Variants in NCAM2 observed in about 807,000 individuals in gnomAD.
The protein encoded by NCAM2 is neural cell adhesion molecule 2.
In NCAM2, 30 loss-of-function variants were observed where a neutral mutation model predicts 98.1. The ratio of observed to expected loss-of-function variants is 0.31; its 90% CI spans 0.23 to 0.41. The LOEUF is 0.41. Among genes scored for constraint, NCAM2 ranks in the 10% least tolerant of loss-of-function variants. NCAM2 has a pLI of 1.00. For synonymous variants in NCAM2, 368 were observed against 342.4 expected (o/e 1.07, Z -0.83); for missense variants, 867 against 1,005.8 (o/e 0.86, Z 1.87).
intron 1 of NCAM2, among the ~76,000 whole-genome samples, chr21:21,025,932 TAG>T (rs1372744317): frequency 1.3e-5 from 2 of 152,316 alleles, no homozygotes; most frequent in East Asian, 3.9e-4. Flanking sequence ...GATGTGAAGA[TAG>T]AGTTTAGTGA....
intron 8 of NCAM2, among the ~76,000 whole-genome samples, chr21:21,346,745 T>A (rs190791332): frequency 6.6e-6 from 1 of 152,046 alleles, no homozygotes; most frequent in East Asian, 1.9e-4. Context: ...TAAAAATACA[T>A]GGAAATTAAA....
At chr21:21,298,557 T>G (rs140055867) in intron 5 of NCAM2, among the ~76,000 whole-genome samples, 1 of 151,390 alleles carries the variant, frequency 6.6e-6, no homozygotes, top group African/African-American at 2.4e-5. Flanking sequence ...CAGAAATTTT[T>G]AGTTTATATA....
intron 1 of NCAM2, among the ~76,000 whole-genome samples, chr21:21,055,401 G>A (rs2065191226): frequency 1.3e-5 from 2 of 151,980 alleles, no homozygotes; most frequent in Non-Finnish European, 2.9e-5. Flanking sequence ...TTATTATCCA[G>A]TAAATAACAA....
chr21:21,419,851 T>C (rs1227072640), intron 11 of NCAM2, among the ~76,000 whole-genome samples: 2 of 152,008 alleles, frequency 1.3e-5, no homozygotes, highest in Non-Finnish European at 2.9e-5. Flanking sequence ...AGCAGCATGA[T>C]TTATAATCCT....
intron 8 of NCAM2, among the ~76,000 whole-genome samples, chr21:21,345,772 C>T (rs2075170942): frequency 6.6e-6 from 1 of 151,966 alleles, no homozygotes; most frequent in Non-Finnish European, 1.5e-5. Flanking sequence ...AGTTATAGAA[C>T]ACAAAAGATT....
chr21:21,000,642 A>G (rs1403811476), intron 1 of NCAM2, among the ~76,000 whole-genome samples: 2 of 152,218 alleles, frequency 1.3e-5, no homozygotes, highest in Non-Finnish European at 2.9e-5. Context: ...GAAGGAGACC[A>G]TCATTGTAAA....
At chr21:21,003,153 C>T (rs1012556716) in intron 1 of NCAM2, among the ~76,000 whole-genome samples, 1 of 152,080 alleles carries the variant, frequency 6.6e-6, no homozygotes. Context: ...TCTATGTTCA[C>T]TTGTGCCACT....
intron 12 of NCAM2, among the ~76,000 whole-genome samples, chr21:21,451,924 A>G (rs945118754): frequency 2.0e-5 from 3 of 151,910 alleles, no homozygotes; most frequent in Non-Finnish European, 4.4e-5. Flanking sequence ...TTTTTTCCCC[A>G]TCTATTGGTT....
At chr21:21,387,684 A>G (rs2076299137) in intron 9 of NCAM2, among the ~76,000 whole-genome samples, 1 of 152,212 alleles carries the variant, frequency 6.6e-6, no homozygotes, top group African/African-American at 2.4e-5. Flanking sequence ...ATTAAGGCAT[A>G]CTGAGGTTAG....
chr21:21,302,072 G>C (rs910066757), intron 5 of NCAM2, among the ~76,000 whole-genome samples: 2 of 147,778 alleles, frequency 1.4e-5, no homozygotes, highest in Non-Finnish European at 3.0e-5. Flanking sequence ...CAGGGATCTA[G>C]AACTAGAAAT....
At chr21:21,198,751 A>G (rs779117709) in intron 1 of NCAM2, among the ~76,000 whole-genome samples, 28 of 152,190 alleles carry the variant, frequency 1.8e-4, no homozygotes, top group Non-Finnish European at 3.4e-4. Flanking sequence ...TATTGTCTAC[A>G]GTACACCCTT....
At chr21:21,063,243 C>A (rs113381582) in intron 1 of NCAM2, among the ~76,000 whole-genome samples, 2,659 of 93,958 alleles carry the variant, frequency 0.028, 104 homozygotes, top group African/African-American at 0.1. Context: ...TTTTTTGAGC[C>A]GGAGTCTCAC....
At chr21:21,309,713 C>A (rs971314250) in intron 5 of NCAM2, among the ~76,000 whole-genome samples, 4 of 152,292 alleles carry the variant, frequency 2.6e-5, no homozygotes, top group Non-Finnish European at 4.4e-5. Context: ...ATATCCACTT[C>A]TCTGTACTAT....
At chr21:21,507,037 A>G in intron 15 of NCAM2, among the ~76,000 whole-genome samples, 1 of 149,838 alleles carries the variant, frequency 6.7e-6, no homozygotes, top group East Asian at 2.0e-4. Context: ...AAATTGAATG[A>G]TTTTTTTTTT....
At chr21:21,366,030 G>A (rs1007169549) in intron 8 of NCAM2, among the ~76,000 whole-genome samples, 4 of 152,010 alleles carry the variant, frequency 2.6e-5, no homozygotes, top group Admixed American at 1.3e-4. Flanking sequence ...TTTCCATGCT[G>A]TGAGTATGGG....
intron 6 of NCAM2, 37 bp downstream of exon 6, chr21:21,324,537 AT>A: frequency 7.3e-7 from 1 of 1,374,330 alleles, no homozygotes; most frequent in Non-Finnish European, 1.0e-6. Context: ...GCTTGTGTCC[AT>A]TATCAGGCTT....
chr21:21,316,503 C>T (rs1236182829), intron 5 of NCAM2, among the ~76,000 whole-genome samples: 1 of 149,918 alleles, frequency 6.7e-6, no homozygotes, highest in African/African-American at 2.4e-5. Context: ...TCTCCAACAT[C>T]TCCATCATCT....
intron 3 of NCAM2, among the ~76,000 whole-genome samples, chr21:21,285,909 T>G (rs945075916): frequency 1.3e-5 from 2 of 151,940 alleles, no homozygotes; most frequent in Non-Finnish European, 2.9e-5. Context: ...CTGAATGAAT[T>G]GAAGGCGGTG....
intron 12 of NCAM2, among the ~76,000 whole-genome samples, chr21:21,454,843 G>A (rs1289905353): frequency 6.6e-6 from 1 of 151,880 alleles, no homozygotes; most frequent in Non-Finnish European, 1.5e-5. Context: ...CAGATATGAA[G>A]TATTCAAATT....
Sources: allele counts gnomAD v4.1 joint callset (sites outside exome capture counted in the v4.1 genomes callset), GRCh38; gene constraint gnomAD v4.1.1; transcripts MANE v1.5; gene names NCBI Gene and HGNC (gene_info 2026-07-23, HGNC 2026-07-21).